CMTM7: variants seen among roughly 807,000 people sequenced by gnomAD.
CMTM7 encodes the protein CKLF like MARVEL transmembrane domain containing 7, also known as CKLF-like MARVEL transmembrane domain-containing protein 7.
A neutral mutation model predicts 19.3 loss-of-function variants in CMTM7; 7 were observed. That is an observed-to-expected ratio of 0.36 (90% CI 0.21 to 0.68). CMTM7 has a LOEUF of 0.68. Ranked by LOEUF, CMTM7 falls within the 30% of genes least tolerant of loss-of-function variation. The probability of loss-of-function intolerance (pLI) is 0.60; values close to 1 mark genes in which losing one functional copy is unlikely to be tolerated. For synonymous variants in CMTM7, 87 were observed against 99.3 expected, an observed-to-expected ratio of 0.88 and a Z score of 0.74; for missense variants, 193 against 232.6, an observed-to-expected ratio of 0.83 and a Z score of 1.11.
chr3:32,404,452 C>T (rs534633806), intron 1 of CMTM7, among the ~76,000 whole-genome samples: 8 of 152,262 alleles, frequency 5.3e-5, no homozygotes, highest in South Asian at 2.1e-4. Flanking sequence ...TGAGCCACCG[C>T]GCCCAGCCTG....
Position 32,454,710 on chromosome 3 carries a change from A to C in CMTM7, c.*456A>C. ...TAGAGATACCCTCTTTCCTGAAGTG[A>C]GGCGTGCCTGTAGAAACACTATGTG... On this transcript the variant is annotated 3_prime_UTR_variant, in exon 5 of 5. Transcript: ENST00000334983. 1 of 342,002 alleles carries C rather than the reference A, an allele frequency of 2.9e-6. No individual in the cohort carries two copies. 21.2% of individuals were successfully genotyped at this position (342,002 alleles called of 1,614,324 possible). A position where few individuals can be genotyped will look rare whatever the true frequency, so the allele number is the denominator to read the frequency against.
At chr3:32,447,249 T>C (rs1450723837) in intron 2 of CMTM7, among the ~76,000 whole-genome samples, 7 of 152,374 alleles carry the variant, frequency 4.6e-5, no homozygotes, top group South Asian at 2.1e-4. Context: ...GATTTCTAAT[T>C]TGATTCCATT....
At chr3:32,452,919 ATTTTTTTTTT>A (rs368112448) in intron 4 of CMTM7, among the ~76,000 whole-genome samples, 5 of 35,354 alleles carry the variant, frequency 1.4e-4, no homozygotes, top group East Asian at 8.5e-4. Flanking sequence ...CCTAATTTCA[ATTTTTTTTTT>A]TTTTTTTTTT....
chr3:32,444,920 C>A (rs568410616), intron 2 of CMTM7, among the ~76,000 whole-genome samples: 2 of 152,118 alleles, frequency 1.3e-5, no homozygotes, highest in Admixed American at 1.3e-4. Context: ...CTGGCCTGAA[C>A]TTTTTAAATT....
intron 2 of CMTM7, among the ~76,000 whole-genome samples, chr3:32,442,845 G>A (rs920381052): frequency 6.6e-6 from 1 of 152,142 alleles, no homozygotes; most frequent in African/African-American, 2.4e-5. Context: ...TTCCAGAGTT[G>A]TCCAACCATT....
At chr3:32,398,123 G>A (rs1695945457) in intron 1 of CMTM7, among the ~76,000 whole-genome samples, 1 of 152,212 alleles carries the variant, frequency 6.6e-6, no homozygotes, top group Non-Finnish European at 1.5e-5. Flanking sequence ...GATGTAGCAA[G>A]AAATGAGCCA....
At chr3:32,442,831 A>G (rs1696701535) in intron 2 of CMTM7, among the ~76,000 whole-genome samples, 2 of 152,188 alleles carry the variant, frequency 1.3e-5, no homozygotes, top group Admixed American at 1.3e-4. Flanking sequence ...GGAGTTTAGT[A>G]TATTTCCAGA....
At chr3:32,444,332 T>A (rs984832721) in intron 2 of CMTM7, among the ~76,000 whole-genome samples, 15 of 152,364 alleles carry the variant, frequency 9.8e-5, no homozygotes, top group African/African-American at 3.4e-4. Flanking sequence ...CCCCATTGAA[T>A]GGCATTGGCA....
rs150415210 is a variant in CMTM7 at position 32,444,965 on chromosome 3, C to G, written c.333+2952C>G. Among the ~76,000 whole-genome samples, 267 of 152,244 alleles carry G rather than the reference C, an allele frequency of 1.8e-3. 1 individual carries two copies. The highest frequency in any genetic ancestry group is 6.2e-3 in the African/African-American group (258 of 41,536). On this transcript the variant is annotated intron_variant, in intron 2 of 4. Coordinates refer to ENST00000334983, the MANE Select transcript of CMTM7 (RefSeq NM_138410.4). ...TCTGAGCATTTTATTCTTTTTGATGCTATTTTAAATCAATTTTTTTCTTAA... is the reference window on the plus strand; with the variant it reads ...TCTGAGCATTTTATTCTTTTTGATGGTATTTTAAATCAATTTTTTTCTTAA...
At chr3:32,431,816 A>G (rs1046543803) in intron 1 of CMTM7, among the ~76,000 whole-genome samples, 1 of 152,166 alleles carries the variant, frequency 6.6e-6, no homozygotes, top group African/African-American at 2.4e-5. Flanking sequence ...CTTACCTCCT[A>G]GGACTGTTGT....
At chr3:32,424,062 G>A (rs1229440697) in intron 1 of CMTM7, among the ~76,000 whole-genome samples, 1 of 152,186 alleles carries the variant, frequency 6.6e-6, no homozygotes, top group Non-Finnish European at 1.5e-5. Flanking sequence ...TGCAGGTCGG[G>A]AATCCAGACA....
intron 1 of CMTM7, among the ~76,000 whole-genome samples, chr3:32,432,318 C>A (rs183604642): frequency 1.3e-5 from 2 of 152,308 alleles, no homozygotes; most frequent in East Asian, 3.9e-4. Context: ...CAAATCACTT[C>A]CTGGCCTTCC....
intron 1 of CMTM7, among the ~76,000 whole-genome samples, chr3:32,437,707 A>G (rs751135501): frequency 1.4e-4 from 22 of 152,132 alleles, no homozygotes; most frequent in Non-Finnish European, 3.2e-4. Flanking sequence ...CCTGGCCAAC[A>G]TGGTGAAACC....
At chr3:32,417,341 A>C (rs944784586) in intron 1 of CMTM7, among the ~76,000 whole-genome samples, 12 of 152,258 alleles carry the variant, frequency 7.9e-5, no homozygotes, top group African/African-American at 2.9e-4. Context: ...TAGCTTTGGG[A>C]GTGGCTTCTT....
rs1559397473 is a variant in CMTM7 at position 32,392,038 on chromosome 3, C to T, written c.132C>T (p.His44=). The T allele has an allele frequency of 8.1e-7, 1 of 1,235,316 alleles. No homozygotes were observed. Among genetic ancestry groups the T allele is most frequent in the South Asian group, 4.1e-5 (1 of 24,338 alleles). The allele number at this position is 1,235,316 out of a possible 1,614,324, so 76.5% of individuals were successfully genotyped here. A position where few individuals can be genotyped will look rare whatever the true frequency, so the allele number is the denominator to read the frequency against. Residue 44 remains histidine, a synonymous_variant, in exon 1 of 5, where the codon CAC becomes CAT. Coordinates refer to ENST00000334983, the MANE Select transcript of CMTM7 (RefSeq NM_138410.4). The part of the protein sequence containing the change: ...GLLDLSYPRT[H]AALLKVAQMV... Reference sequence around the variant, plus strand: ...TGGACCTCAGCTACCCCCGCACCCACGCGGCCCTGCTGAAAGTGGCGCAAA... The same window carrying T: ...TGGACCTCAGCTACCCCCGCACCCATGCGGCCCTGCTGAAAGTGGCGCAAA...
intron 1 of CMTM7, among the ~76,000 whole-genome samples, chr3:32,423,125 G>A (rs1261800112): frequency 1.3e-5 from 2 of 152,192 alleles, no homozygotes; most frequent in Non-Finnish European, 2.9e-5. Flanking sequence ...GTTGGCTGCT[G>A]TCATCTGATC....
Position 32,407,011 on chromosome 3 carries a change from C to T in CMTM7, c.159+14946C>T, listed in dbSNP as rs117141617. Among the ~76,000 whole-genome samples, 301 of 152,268 alleles carry T rather than the reference C, an allele frequency of 2.0e-3. 5 individuals carry two copies. In the East Asian group the frequency reaches 0.022, roughly 11 times the overall value. ...AGCATAATGAGTTAGCAGCAGCACCCGCAGTAGCTGGGGGATGGATGCACA... is the reference window on the plus strand; with the variant it reads ...AGCATAATGAGTTAGCAGCAGCACCTGCAGTAGCTGGGGGATGGATGCACA... On this transcript the variant is annotated intron_variant, in intron 1 of 4. Transcript: ENST00000334983.
At chr3:32,394,517 C>A (rs1429868795) in intron 1 of CMTM7, among the ~76,000 whole-genome samples, 1 of 152,066 alleles carries the variant, frequency 6.6e-6, no homozygotes, top group African/African-American at 2.4e-5. Flanking sequence ...CTTGTCTTGG[C>A]CTCTTCTGGG....
At chr3:32,409,347 T>A (rs368990277) in intron 1 of CMTM7, among the ~76,000 whole-genome samples, 1 of 152,308 alleles carries the variant, frequency 6.6e-6, no homozygotes, top group South Asian at 2.1e-4. Flanking sequence ...TTGGAACCAT[T>A]TGAGAGTGAG....
Sources: gnomAD v4.1 joint callset for allele counts (sites outside exome capture counted in the v4.1 genomes callset) on GRCh38, gnomAD v4.1.1 for gene constraint, MANE v1.5 for transcripts, NCBI Gene and HGNC (gene_info 2026-07-23, HGNC 2026-07-21) for gene names.